Variants in VWA8 observed in about 807,000 individuals in gnomAD.
VWA8 encodes the protein von Willebrand factor A domain containing 8, also known as von Willebrand factor A domain-containing protein 8.
A neutral mutation model predicts 241.5 loss-of-function variants in VWA8; 221 were observed. That is an observed-to-expected ratio of 0.91 (90% CI 0.82 to 1.02). The LOEUF is 1.02. Among genes scored for constraint, VWA8 ranks in the 50% least tolerant of loss-of-function variants. The probability of loss-of-function intolerance (pLI) is 0.00; values close to 1 mark genes in which losing one functional copy is unlikely to be tolerated. For synonymous variants in VWA8, 852 were observed against 827.1 expected, an observed-to-expected ratio of 1.03 and a Z score of -0.52; for missense variants, 2,322 against 2,328.7, an observed-to-expected ratio of 1.00 and a Z score of 0.06.
rs140593841 is a variant in VWA8 at position 41,588,840 on chromosome 13, A to G, written c.5113-1170T>C. 4.5e-4 allele frequency among the ~76,000 whole-genome samples: 68 copies of G among 152,342 alleles called. No individual in the cohort carries two copies. The East Asian group carries it at 0.01, about 23-fold the overall frequency. On this transcript the variant is annotated intron_variant, in intron 41 of 44. Transcript: ENST00000379310. Reference sequence around the variant, plus strand: ...GTAATTTCAAGAAAACACGGTGGGTATTGAGAGTGTAATGGTTTGAGGCAA... The same window carrying G: ...GTAATTTCAAGAAAACACGGTGGGTGTTGAGAGTGTAATGGTTTGAGGCAA...
intron 3 of VWA8, among the ~76,000 whole-genome samples, 179 bp from the exon 4 acceptor site, chr13:41,907,875 A>G (rs1875801453): frequency 6.6e-6 from 1 of 152,204 alleles, no homozygotes; most frequent in South Asian, 2.1e-4. Flanking sequence ...TTTAATCAAA[A>G]TATCTATATA....
chr13:41,859,869 G>A (rs1288828890), intron 12 of VWA8, among the ~76,000 whole-genome samples: 2 of 152,166 alleles, frequency 1.3e-5, no homozygotes, highest in Admixed American at 6.6e-5. Flanking sequence ...CTTTATACAT[G>A]TACAAATAAC....
At chr13:41,936,779 T>C (rs1447976664) in intron 2 of VWA8, among the ~76,000 whole-genome samples, 1 of 152,184 alleles carries the variant, frequency 6.6e-6, no homozygotes, top group Admixed American at 6.5e-5. Flanking sequence ...AAGATAACTA[T>C]GTGAGGTAAC....
At chr13:41,737,270 G>C (rs760978705) in intron 21 of VWA8, among the ~76,000 whole-genome samples, 2 of 152,098 alleles carry the variant, frequency 1.3e-5, no homozygotes, top group Non-Finnish European at 2.9e-5. Flanking sequence ...TGAGTTCTTG[G>C]TATCAAGAAC....
At chr13:41,913,605 C>G (rs911494688) in intron 2 of VWA8, among the ~76,000 whole-genome samples, 1 of 152,192 alleles carries the variant, frequency 6.6e-6, no homozygotes, top group African/African-American at 2.4e-5. Flanking sequence ...CTCTCCTGTA[C>G]TCCCCTGCCC....
intron 12 of VWA8, among the ~76,000 whole-genome samples, chr13:41,836,915 G>T (rs1871758335): frequency 6.6e-6 from 1 of 152,042 alleles, no homozygotes; most frequent in African/African-American, 2.4e-5. Flanking sequence ...ATAGAACATG[G>T]GAAATACTTG....
At chr13:41,959,428 A>C (rs1010025285) in intron 1 of VWA8, among the ~76,000 whole-genome samples, 3 of 151,448 alleles carry the variant, frequency 2.0e-5, no homozygotes, top group Non-Finnish European at 4.4e-5. Context: ...ACAAATAAAG[A>C]ACACACAAAA....
At chr13:41,745,865 A>C (rs1300766441) in intron 21 of VWA8, among the ~76,000 whole-genome samples, 1 of 152,224 alleles carries the variant, frequency 6.6e-6, no homozygotes, top group Non-Finnish European at 1.5e-5. Flanking sequence ...TTGTATTACA[A>C]ATAAGGACTA....
chr13:41,907,516 T>C (rs1875776427), intron 4 of VWA8, 70 bp downstream of exon 4: 1 of 1,371,022 alleles, frequency 7.3e-7, no homozygotes, highest in Non-Finnish European at 1.0e-6. Flanking sequence ...CTACTCTCTT[T>C]CTACTTTAAA....
intron 35 of VWA8, among the ~76,000 whole-genome samples, chr13:41,679,009 T>C (rs748894934): frequency 6.6e-6 from 1 of 152,198 alleles, no homozygotes; most frequent in Non-Finnish European, 1.5e-5. Context: ...CTTGACTGAA[T>C]TAAGGAAGTG....
rs1278812038 is a variant in VWA8 at position 41,721,401 on chromosome 13, C to A, written c.2933G>T (p.Arg978Ile). The A allele has an allele frequency of 2.5e-6, 4 of 1,613,774 alleles. No individual in the cohort carries two copies. Among genetic ancestry groups the A allele is most frequent in the Non-Finnish European group, 3.4e-6 (4 of 1,179,786 alleles). The change falls in exon 25 of 45, where the codon AGA (arginine) becomes ATA (isoleucine). Residue 978 changes from arginine (R) to isoleucine (I), a missense_variant. Coordinates refer to ENST00000379310, the MANE Select transcript of VWA8 (RefSeq NM_015058.2). ...QGIINYPYST[R>I]EVVNIVKHLQ... is the part of the protein sequence containing the mutation. Reference sequence around the variant, plus strand: ...ATGTTTGACTATGTTGACAACTTCTCTGGTAGAATAAGGATAGTTAATAAT... The same window carrying A: ...ATGTTTGACTATGTTGACAACTTCTATGGTAGAATAAGGATAGTTAATAAT...
At chr13:41,786,301 T>A (rs1283478287) in intron 18 of VWA8, among the ~76,000 whole-genome samples, 2 of 152,298 alleles carry the variant, frequency 1.3e-5, no homozygotes, top group East Asian at 3.9e-4. Context: ...CTGGTTGCCA[T>A]AACCAGCATA....
At chr13:41,863,455 T>TATATATATATTCACA (rs1566485517) in intron 12 of VWA8, among the ~76,000 whole-genome samples, 1 of 87,154 alleles carries the variant, frequency 1.1e-5, no homozygotes, top group African/African-American at 4.3e-5. Context: ...ATATATATAT[T>TATATATATATTCACA]CACACACACA....
intron 35 of VWA8, among the ~76,000 whole-genome samples, chr13:41,675,682 G>T (rs1255188587): frequency 6.6e-6 from 1 of 152,108 alleles, no homozygotes; most frequent in East Asian, 1.9e-4. Context: ...GACCTGGTAG[G>T]AAGTCCTGCT....
At chr13:41,707,007 A>C (rs1425780592) in intron 26 of VWA8, among the ~76,000 whole-genome samples, 1 of 152,184 alleles carries the variant, frequency 6.6e-6, no homozygotes, top group Non-Finnish European at 1.5e-5. Context: ...TATGTTTGTC[A>C]TTTCTTAATC....
chr13:41,758,456 T>C (rs1394799172), intron 21 of VWA8, among the ~76,000 whole-genome samples: 1 of 134,396 alleles, frequency 7.4e-6, no homozygotes, highest in African/African-American at 2.8e-5. Context: ...TCCATATATA[T>C]GGAATATATG....
intron 1 of VWA8, among the ~76,000 whole-genome samples, chr13:41,960,444 C>T (rs2138178688): frequency 6.6e-6 from 1 of 152,318 alleles, no homozygotes; most frequent in Non-Finnish European, 1.5e-5. Flanking sequence ...TAGAACATGA[C>T]ACAGACCGGC....
intron 35 of VWA8, among the ~76,000 whole-genome samples, chr13:41,676,317 C>A (rs528152071): frequency 6.6e-6 from 1 of 152,050 alleles, no homozygotes; most frequent in Non-Finnish European, 1.5e-5. Context: ...CTGAGGGAAC[C>A]AGGTGGTGAA....
intron 37 of VWA8, among the ~76,000 whole-genome samples, chr13:41,654,057 A>G (rs150034871): frequency 6.6e-6 from 1 of 152,288 alleles, no homozygotes; most frequent in Admixed American, 6.5e-5. Flanking sequence ...ATTGACTCAT[A>G]AAAACAAACA....
Sources: gnomAD v4.1 joint callset for allele counts (sites outside exome capture counted in the v4.1 genomes callset) on GRCh38, gnomAD v4.1.1 for gene constraint, MANE v1.5 for transcripts, NCBI Gene and HGNC (gene_info 2026-07-23, HGNC 2026-07-21) for gene names.